Variants in EYS observed in about 807,000 individuals in gnomAD.
The protein encoded by EYS is EGF-like photoreceptor maintenance factor.
In EYS, 250 loss-of-function variants were observed where a neutral mutation model predicts 282.1. The ratio of observed to expected loss-of-function variants is 0.89; its 90% confidence interval spans 0.80 to 0.98. The LOEUF is 0.98. Ranked by LOEUF, EYS falls within the 50% of genes least tolerant of loss-of-function variation. The pLI is 0.00. For synonymous variants in EYS, 1,355 were observed against 1,282.9 expected, an observed-to-expected ratio of 1.06 and a Z score of -1.20; for missense variants, 4,016 against 3,709.0, an observed-to-expected ratio of 1.08 and a Z score of -2.15.
intron 31 of EYS, among the ~76,000 whole-genome samples, chr6:64,217,878 A>G (rs910265234): frequency 6.6e-6 from 1 of 152,182 alleles, no homozygotes; most frequent in African/African-American, 2.4e-5. Flanking sequence ...TACCCCCACC[A>G]CAAACCAAGT....
intron 35 of EYS, among the ~76,000 whole-genome samples, chr6:63,903,945 A>G (rs1040368363): frequency 2.0e-5 from 3 of 152,232 alleles, no homozygotes; most frequent in African/African-American, 7.2e-5. Context: ...AAACATCTTT[A>G]TTTATAACCC....
At chr6:64,190,045 C>T (rs755922445) in intron 31 of EYS, among the ~76,000 whole-genome samples, 2 of 152,072 alleles carry the variant, frequency 1.3e-5, no homozygotes, top group African/African-American at 4.8e-5. Context: ...AGCTACGTAA[C>T]AATAGCATCA....
chr6:65,700,564 T>C (rs1325205221), intron 1 of EYS, among the ~76,000 whole-genome samples: 1 of 152,216 alleles, frequency 6.6e-6, no homozygotes, highest in Non-Finnish European at 1.5e-5. Flanking sequence ...ACTTCTTTAA[T>C]ATTTTAAATT....
At chr6:64,683,848 T>C (rs1053725283) in intron 22 of EYS, among the ~76,000 whole-genome samples, 1 of 152,184 alleles carries the variant, frequency 6.6e-6, no homozygotes, top group Non-Finnish European at 1.5e-5. Context: ...AACATCCTCC[T>C]GGACAAGTCC....
chr6:65,675,298 A>T (rs942186068), intron 1 of EYS, among the ~76,000 whole-genome samples: 9 of 151,826 alleles, frequency 5.9e-5, no homozygotes, highest in African/African-American at 2.2e-4. Flanking sequence ...AATCCCCAAT[A>T]AAAAGATACA....
chr6:64,735,256 C>T (rs1772148946), intron 22 of EYS, among the ~76,000 whole-genome samples: 1 of 152,026 alleles, frequency 6.6e-6, no homozygotes, highest in Non-Finnish European at 1.5e-5. Context: ...GCTAGTTTTT[C>T]GTATTTTTAG....
chr6:64,603,932 G>T (rs1766841556), intron 24 of EYS, among the ~76,000 whole-genome samples: 1 of 150,284 alleles, frequency 6.7e-6, no homozygotes, highest in African/African-American at 2.4e-5. Context: ...TACCAAAAAG[G>T]TGGCCAAGCT....
intron 12 of EYS, among the ~76,000 whole-genome samples, chr6:65,059,244 A>T (rs1773502306): frequency 6.6e-6 from 1 of 152,126 alleles, no homozygotes. Flanking sequence ...AAGTTAAACA[A>T]TCAGGAAAGA....
intron 12 of EYS, among the ~76,000 whole-genome samples, chr6:65,202,619 A>T (rs555439213): frequency 7.0e-4 from 106 of 152,298 alleles, no homozygotes; most frequent in African/African-American, 2.4e-3. Context: ...ACATAGAGAA[A>T]GGTATGGTGA....
chr6:64,243,418 T>C (rs543390568), intron 30 of EYS, among the ~76,000 whole-genome samples: 5 of 152,352 alleles, frequency 3.3e-5, no homozygotes, highest in South Asian at 2.1e-4. Flanking sequence ...TGTATAGTCA[T>C]TCAGCCACTT....
chr6:64,302,326 C>G (rs1769264313), intron 30 of EYS, among the ~76,000 whole-genome samples: 1 of 152,226 alleles, frequency 6.6e-6, no homozygotes. Context: ...CCTCTTTCAA[C>G]AGGTGTTAAC....
chr6:65,571,577 T>C (rs1764477850), intron 2 of EYS, among the ~76,000 whole-genome samples: 1 of 152,046 alleles, frequency 6.6e-6, no homozygotes, highest in African/African-American at 2.4e-5. Context: ...ATATTTTATT[T>C]TGGGATGACA....
chr6:64,592,616 C>T (rs189465447), intron 25 of EYS, among the ~76,000 whole-genome samples: 1 of 152,192 alleles, frequency 6.6e-6, no homozygotes, highest in East Asian at 1.9e-4. Flanking sequence ...ATACAATGTA[C>T]TGTTTATAAT....
chr6:65,290,791 G>C (rs1768503817), intron 12 of EYS, among the ~76,000 whole-genome samples: 1 of 151,326 alleles, frequency 6.6e-6, no homozygotes, highest in East Asian at 1.9e-4. Flanking sequence ...TTAAACAGCT[G>C]TTGTGCTAAA....
At chr6:63,819,792 C>T (rs1771274036) in intron 36 of EYS, among the ~76,000 whole-genome samples, 2 of 152,072 alleles carry the variant, frequency 1.3e-5, no homozygotes, top group South Asian at 4.1e-4. Context: ...GTAGAAGAAC[C>T]ATGACTAGTA....
At chr6:65,189,973 G>A (rs189263590) in intron 12 of EYS, among the ~76,000 whole-genome samples, 6 of 151,766 alleles carry the variant, frequency 4.0e-5, no homozygotes, top group Admixed American at 6.6e-5. Flanking sequence ...CAGGTTCCTC[G>A]GGCCAGAGAC....
intron 29 of EYS, among the ~76,000 whole-genome samples, chr6:64,375,963 T>C (rs749865835): frequency 1.3e-5 from 2 of 152,166 alleles, no homozygotes; most frequent in Admixed American, 6.5e-5. Context: ...TTTTATTCCA[T>C]TGAAATTAAT....
At chr6:65,397,076 T>TA (rs1766305189) in intron 7 of EYS, among the ~76,000 whole-genome samples, 2 of 151,890 alleles carry the variant, frequency 1.3e-5, no homozygotes, top group Non-Finnish European at 2.9e-5. Context: ...CTCCCTCAAA[T>TA]ATGAGTGTCC....
At chr6:64,795,392 T>C (rs984358289) in intron 22 of EYS, among the ~76,000 whole-genome samples, 1 of 152,042 alleles carries the variant, frequency 6.6e-6, no homozygotes, top group Non-Finnish European at 1.5e-5. Flanking sequence ...ATATCCCGAG[T>C]ATGAGAGAAG....
Sources: allele counts gnomAD v4.1 joint callset (sites outside exome capture counted in the v4.1 genomes callset), GRCh38; gene constraint gnomAD v4.1.1; transcripts MANE v1.5; gene names NCBI Gene and HGNC (gene_info 2026-07-23, HGNC 2026-07-21).